ANKIB1: variants seen among roughly 807,000 people sequenced by gnomAD.
ANKIB1 encodes ankyrin repeat and IBR domain containing 1.
A neutral mutation model predicts 122.1 loss-of-function variants in ANKIB1; 43 were observed. The observed-to-expected ratio is 0.35, with a 90% CI of 0.28 to 0.45. The LOEUF (loss-of-function observed/expected upper bound fraction) is 0.45. Among genes scored for constraint, ANKIB1 ranks in the 20% least tolerant of loss-of-function variants. The pLI, the probability that ANKIB1 is intolerant of heterozygous loss-of-function variation, is 1.00. For synonymous variants in ANKIB1, 390 were observed against 442.0 expected, an observed-to-expected ratio of 0.88 and a Z score of 1.48; for missense variants, 992 against 1,329.5, an observed-to-expected ratio of 0.75 and a Z score of 3.95.
chr7:92,397,316 T>C (rs111344907), intron 18 of ANKIB1, among the ~76,000 whole-genome samples: 15,827 of 151,866 alleles, frequency 0.1, 1,003 homozygotes, highest in East Asian at 0.36. Context: ...TGAAACCCTA[T>C]CTCTACTGAA....
intron 5 of ANKIB1, among the ~76,000 whole-genome samples, chr7:92,338,929 AAAAAATAT>A (rs1371152853): frequency 3.8e-4 from 14 of 36,796 alleles, no homozygotes; most frequent in African/African-American, 5.6e-4. Flanking sequence ...AAAAAAAAAA[AAAAAATAT>A]ATATATATAT....
At chr7:92,353,353 A>G (rs1025362964) in intron 9 of ANKIB1, among the ~76,000 whole-genome samples, 1 of 152,214 alleles carries the variant, frequency 6.6e-6, no homozygotes, top group Non-Finnish European at 1.5e-5. Flanking sequence ...TGGAAAGGAT[A>G]TGTAACTCTG....
chr7:92,342,071 G>A (rs1281587687), intron 5 of ANKIB1, among the ~76,000 whole-genome samples: 1 of 151,670 alleles, frequency 6.6e-6, no homozygotes, highest in African/African-American at 2.4e-5. Flanking sequence ...AAAACCTCGT[G>A]TAGAAAATTT....
chr7:92,344,805 G>A (rs1412742751), intron 6 of ANKIB1, among the ~76,000 whole-genome samples, 173 bp from the exon 7 acceptor site: 4 of 152,228 alleles, frequency 2.6e-5, no homozygotes, highest in South Asian at 2.1e-4. Context: ...AGGTAGTCAT[G>A]GTATTTGTTA....
intron 18 of ANKIB1, among the ~76,000 whole-genome samples, chr7:92,397,511 C>T (rs1007594061): frequency 1.3e-5 from 2 of 151,216 alleles, no homozygotes; most frequent in Middle Eastern, 3.5e-3. Context: ...TAAAAAGTTA[C>T]GGATTTGAAG....
chr7:92,259,584 T>G (rs1379532909), intron 1 of ANKIB1, among the ~76,000 whole-genome samples: 1 of 152,256 alleles, frequency 6.6e-6, no homozygotes, highest in Non-Finnish European at 1.5e-5. Context: ...AAACTTTTTA[T>G]ACAGCAATTT....
chr7:92,341,002 G>A (rs1373070847), intron 5 of ANKIB1, among the ~76,000 whole-genome samples: 1 of 152,072 alleles, frequency 6.6e-6, no homozygotes, highest in East Asian at 1.9e-4. Flanking sequence ...ATTGCTGACA[G>A]AAGTAAAAAC....
chr7:92,378,707 CAGAA>C (rs1446338080), intron 11 of ANKIB1, among the ~76,000 whole-genome samples: 6 of 152,140 alleles, frequency 3.9e-5, no homozygotes, highest in Admixed American at 3.9e-4. Context: ...AATTAGACAA[CAGAA>C]AGAGATTAGT....
intron 11 of ANKIB1, 47 bp downstream of exon 11, chr7:92,371,654 ATTTAG>A (rs1283358704): frequency 1.3e-6 from 2 of 1,552,296 alleles, no homozygotes; most frequent in African/African-American, 2.7e-5. Context: ...TGGAATCTTA[ATTTAG>A]TTTGATTGTC....
At chr7:92,366,449 A>C (rs1804085506) in intron 10 of ANKIB1, among the ~76,000 whole-genome samples, 3 of 152,150 alleles carry the variant, frequency 2.0e-5, no homozygotes, top group African/African-American at 7.2e-5. Flanking sequence ...AGAACTGTTC[A>C]TCTTTAAAGG....
In ANKIB1 at chr7:92,245,985, C is replaced by A. The variant is rs1380073891; in HGVS notation, c.-625C>A. On this transcript the variant is annotated 5_prime_UTR_variant, in exon 1 of 20. Coordinates refer to ENST00000265742, the MANE Select transcript of ANKIB1 (RefSeq NM_019004.2). ...GTGAAAGAGCTTCCGGGTCGGCGGCCGGGCTGCTGCCGTTCCTGCTCCTTT... is the reference window on the plus strand; with the variant it reads ...GTGAAAGAGCTTCCGGGTCGGCGGCAGGGCTGCTGCCGTTCCTGCTCCTTT... 2 of 234,214 alleles carry A rather than the reference C, an allele frequency of 8.5e-6. No individual in the cohort carries two copies. The highest frequency in any genetic ancestry group is 4.8e-5 in the African/African-American group (2 of 41,824). 14.5% of individuals were successfully genotyped at this position (234,214 alleles called of 1,614,324 possible). A position where few individuals can be genotyped will look rare whatever the true frequency, so the allele number is the denominator to read the frequency against.
At chr7:92,284,369 G>C (rs1400898122) in intron 1 of ANKIB1, among the ~76,000 whole-genome samples, 1 of 152,070 alleles carries the variant, frequency 6.6e-6, no homozygotes, top group African/African-American at 2.4e-5. Flanking sequence ...ATTTCTAAAG[G>C]CCTTCTTTAT....
chr7:92,295,220 TA>T (rs1802328978), intron 2 of ANKIB1, 54 bp downstream of exon 2: 5 of 1,279,786 alleles, frequency 3.9e-6, no homozygotes, highest in Non-Finnish European at 4.1e-6. Context: ...AACTAATTGG[TA>T]ACAAAGTGGT....
At position 92,378,116 on chromosome 7, in the gene ANKIB1, C is replaced by T. The variant is rs190261669; in HGVS notation, c.1617+6509C>T. Among the ~76,000 whole-genome samples, 673 of 152,218 alleles carry T rather than the reference C, an allele frequency of 4.4e-3. 1 individual carries two copies. Among genetic ancestry groups the T allele is most frequent in the Non-Finnish European group, 7.4e-3 (503 of 67,998 alleles). On this transcript the variant is annotated intron_variant, in intron 11 of 19. Transcript: ENST00000265742. The stretch of plus-strand genomic sequence containing the variant: ...TCTACAGATATTAGCAAACATAATC[C>T]AGCAGAGCACATTCATGAGTAATTA...
At chr7:92,342,981 A>G (rs1224333637) in intron 5 of ANKIB1, 43 bp from the exon 6 acceptor site, 12 of 1,551,176 alleles carry the variant, frequency 7.7e-6, no homozygotes, top group African/African-American at 2.7e-5. Flanking sequence ...TAACATTACC[A>G]TATTTTCTTT....
intron 1 of ANKIB1, among the ~76,000 whole-genome samples, chr7:92,255,041 C>T (rs934188342): frequency 1.3e-5 from 2 of 152,184 alleles, no homozygotes; most frequent in Non-Finnish European, 2.9e-5. Flanking sequence ...CTGCTGCCAT[C>T]CATGTAAGAT....
At chr7:92,325,753 A>G (rs1202047909) in intron 4 of ANKIB1, among the ~76,000 whole-genome samples, 2 of 152,192 alleles carry the variant, frequency 1.3e-5, no homozygotes, top group Non-Finnish European at 2.9e-5. Flanking sequence ...CCTTTCTGAA[A>G]TAATTTTTGA....
At chr7:92,337,217 G>C (rs1432807791) in intron 5 of ANKIB1, among the ~76,000 whole-genome samples, 1 of 152,154 alleles carries the variant, frequency 6.6e-6, no homozygotes, top group Non-Finnish European at 1.5e-5. Context: ...AAGTTGTCTA[G>C]AGCTCAGAAT....
intron 11 of ANKIB1, 78 bp from the exon 12 acceptor site, chr7:92,386,431 A>C: frequency 7.2e-7 from 1 of 1,393,844 alleles, no homozygotes; most frequent in Non-Finnish European, 9.5e-7. Context: ...TAATCTTTAC[A>C]GATTGGTTGG....
Sources: allele counts gnomAD v4.1 joint callset (sites outside exome capture counted in the v4.1 genomes callset), GRCh38; gene constraint gnomAD v4.1.1; transcripts MANE v1.5; gene names NCBI Gene and HGNC (gene_info 2026-07-23, HGNC 2026-07-21).